The following CMSS1 variants were observed in gnomAD, a reference collection of about 807,000 sequenced individuals.
CMSS1 encodes cms1 ribosomal small subunit homolog, also known as protein CMSS1.
Under a neutral mutation model 43.5 loss-of-function variants are expected in CMSS1, and 33 were observed. That is an observed-to-expected ratio of 0.76 (90% CI 0.57 to 1.01). The LOEUF (loss-of-function observed/expected upper bound fraction) is 1.01, where lower values mean the gene tolerates loss of function less well. Ranked by LOEUF, CMSS1 falls within the 50% of genes least tolerant of loss-of-function variation. The pLI is 0.00. For missense variants in CMSS1, 313 were observed against 326.4 expected (o/e 0.96, Z 0.32); for synonymous variants, 115 against 117.2 (o/e 0.98, Z 0.12).
chr3:99,912,185 A>G (rs753774200), intron 1 of CMSS1, among the ~76,000 whole-genome samples: 41 of 152,246 alleles, frequency 2.7e-4, no homozygotes, highest in Admixed American at 2.0e-3. Context: ...GTATACTGAT[A>G]CATGTTACAA....
intron 1 of CMSS1, chr3:100,114,442 C>T (rs1376348056): frequency 6.5e-6 from 1 of 152,746 alleles, no homozygotes; most frequent in Non-Finnish European, 1.5e-5. Flanking sequence ...AAGCCAGGAA[C>T]CATCTGCGCA....
At chr3:100,058,042 A>G (rs2065495582) in intron 1 of CMSS1, among the ~76,000 whole-genome samples, 1 of 152,262 alleles carries the variant, frequency 6.6e-6, no homozygotes, top group Admixed American at 6.5e-5. Flanking sequence ...CTCATGCCTC[A>G]AAGTAATCCC....
At chr3:99,869,333 G>A (rs562234760) in intron 1 of CMSS1, among the ~76,000 whole-genome samples, 1 of 152,196 alleles carries the variant, frequency 6.6e-6, no homozygotes, top group East Asian at 1.9e-4. Flanking sequence ...GAATTTGGGG[G>A]GAGATTAGTG....
chr3:99,850,905 T>C, intron 1 of CMSS1: 2 of 1,614,198 alleles, frequency 1.2e-6, no homozygotes, highest in Non-Finnish European at 1.7e-6. Flanking sequence ...GGATTTTCTG[T>C]CTTTGAAGGG....
intron 1 of CMSS1, among the ~76,000 whole-genome samples, chr3:99,838,038 G>A (rs1404723881): frequency 1.3e-5 from 2 of 152,132 alleles, no homozygotes; most frequent in South Asian, 2.1e-4. Context: ...CATCTCTGAG[G>A]CTAATCAGGT....
intron 2 of CMSS1, among the ~76,000 whole-genome samples, chr3:100,155,792 A>C (rs1194351125): frequency 6.6e-6 from 1 of 152,232 alleles, no homozygotes; most frequent in East Asian, 1.9e-4. Context: ...TTTGCAAATA[A>C]ACTTTATTCA....
Position 100,103,124 on chromosome 3 carries a change from C to T in CMSS1, c.65-43849C>T, listed in dbSNP as rs184909840. Among the ~76,000 whole-genome samples, 13 of 152,266 alleles carry T rather than the reference C, an allele frequency of 8.5e-5. 1 individual carries two copies. The South Asian group carries it at 2.1e-3, about 24-fold the overall frequency. On this transcript the variant is annotated intron_variant, in intron 1 of 9. Transcript: ENST00000421999. ...ATACCTTCCCTGACTTTTGTATATT[C>T]CTGTTCACCCTGTGATTGTAGGCCA...
At chr3:99,864,592 G>A (rs1340163871) in intron 1 of CMSS1, among the ~76,000 whole-genome samples, 1 of 152,112 alleles carries the variant, frequency 6.6e-6, no homozygotes, top group African/African-American at 2.4e-5. Context: ...CCTCAGAAGA[G>A]TTTCCTCTTA....
intron 1 of CMSS1, among the ~76,000 whole-genome samples, chr3:99,844,891 T>C (rs1215666191): frequency 6.6e-6 from 1 of 152,182 alleles, no homozygotes; most frequent in African/African-American, 2.4e-5. Context: ...CCTTAGCTTT[T>C]CTTTGCCTCC....
intron 1 of CMSS1, among the ~76,000 whole-genome samples, chr3:99,832,431 T>A (rs867877301): frequency 2.0e-5 from 3 of 148,920 alleles, no homozygotes; most frequent in Admixed American, 6.6e-5. Context: ...GGGGTTTCAC[T>A]GTGTTAGCCA....
chr3:99,830,596 C>G (rs1158484640), intron 1 of CMSS1: 1 of 456,538 alleles, frequency 2.2e-6, no homozygotes, highest in Admixed American at 2.3e-5. Flanking sequence ...TGCTTGCATA[C>G]CTCCTTGATC....
chr3:99,850,601 T>A, intron 1 of CMSS1: 1 of 1,613,916 alleles, frequency 6.2e-7, no homozygotes, highest in Non-Finnish European at 8.5e-7. Flanking sequence ...TCTCCCTTAC[T>A]GATTTTTTCT....
At chr3:100,016,060 T>G (rs1281235864) in intron 1 of CMSS1, among the ~76,000 whole-genome samples, 1 of 152,190 alleles carries the variant, frequency 6.6e-6, no homozygotes, top group African/African-American at 2.4e-5. Context: ...TGACCCAAGA[T>G]TATTATTCAC....
intron 1 of CMSS1, chr3:100,011,811 TA>T (rs1359625897): frequency 6.6e-6 from 1 of 152,212 alleles, no homozygotes; most frequent in African/African-American, 2.4e-5. Context: ...AATGAATGAA[TA>T]GAAGGATGAG....
chr3:100,080,528 A>G (rs1410858945), intron 1 of CMSS1, among the ~76,000 whole-genome samples: 1 of 152,214 alleles, frequency 6.6e-6, no homozygotes, highest in Admixed American at 6.5e-5. Flanking sequence ...CAATGCAGAT[A>G]TAGGTGATCT....
chr3:100,104,749 C>T (rs2066366331), intron 1 of CMSS1, among the ~76,000 whole-genome samples: 2 of 152,086 alleles, frequency 1.3e-5, no homozygotes, highest in East Asian at 3.9e-4. Context: ...TCAAGAAAAA[C>T]TTTCATCAAG....
intron 1 of CMSS1, among the ~76,000 whole-genome samples, chr3:100,125,068 T>C (rs1371110195): frequency 6.6e-6 from 1 of 152,208 alleles, no homozygotes; most frequent in Non-Finnish European, 1.5e-5. Flanking sequence ...TTGCCATTTC[T>C]TCTTAGTGCC....
intron 1 of CMSS1, among the ~76,000 whole-genome samples, chr3:99,923,220 T>C (rs1707180208): frequency 6.6e-6 from 1 of 152,142 alleles, no homozygotes. Context: ...GTTTCAGCTA[T>C]CACCTGCTGC....
At chr3:99,986,247 A>G (rs950604884) in intron 1 of CMSS1, among the ~76,000 whole-genome samples, 4 of 152,232 alleles carry the variant, frequency 2.6e-5, no homozygotes, top group Admixed American at 6.5e-5. Flanking sequence ...TCATGCATCA[A>G]TCTGTAAATT....
Sources: allele counts gnomAD v4.1 joint callset (sites outside exome capture counted in the v4.1 genomes callset), GRCh38; gene constraint gnomAD v4.1.1; transcripts MANE v1.5; gene names NCBI Gene and HGNC (gene_info 2026-07-23, HGNC 2026-07-21).